Variants in NRIP1 observed in about 807,000 individuals in gnomAD.
NRIP1 encodes the protein nuclear receptor-interacting protein 1.
In NRIP1, 28 loss-of-function variants were observed where a neutral mutation model predicts 75.0. The ratio of observed to expected loss-of-function variants is 0.37; its 90% confidence interval spans 0.28 to 0.51. The LOEUF (loss-of-function observed/expected upper bound fraction) is 0.51, where lower values mean the gene tolerates loss of function less well. Among genes scored for constraint, NRIP1 ranks in the 20% least tolerant of loss-of-function variants. NRIP1 has a pLI of 0.92. For synonymous variants in NRIP1, 526 were observed against 487.6 expected, an observed-to-expected ratio of 1.08 and a Z score of -1.04; for missense variants, 1,435 against 1,343.7, an observed-to-expected ratio of 1.07 and a Z score of -1.06.
At chr21:15,064,670 G>A (rs1978700814) in intron 1 of NRIP1, 75 bp downstream of exon 1, 1 of 150,744 alleles carries the variant, frequency 6.6e-6, no homozygotes, top group African/African-American at 2.4e-5. Flanking sequence ...AGCCGACGCG[G>A]GCCGCGCTCC....
intron 2 of NRIP1, among the ~76,000 whole-genome samples, chr21:15,040,904 CTGAT>C (rs1366823259): frequency 6.6e-6 from 1 of 152,048 alleles, no homozygotes; most frequent in Non-Finnish European, 1.5e-5. Flanking sequence ...AAAAGACACA[CTGAT>C]TGACATTTCC....
intron 3 of NRIP1, among the ~76,000 whole-genome samples, chr21:14,995,539 C>T (rs1177591844): frequency 6.6e-6 from 1 of 152,038 alleles, no homozygotes; most frequent in Admixed American, 6.6e-5. Flanking sequence ...ATTTTAAAGT[C>T]GTGTTAAACT....
At chr21:14,994,316 G>A (rs901242887) in intron 3 of NRIP1, among the ~76,000 whole-genome samples, 5 of 152,144 alleles carry the variant, frequency 3.3e-5, no homozygotes, top group African/African-American at 1.2e-4. Flanking sequence ...GTAGAGACGA[G>A]GTTTCGCCAT....
chr21:15,005,540 G>C (rs2087947436), intron 3 of NRIP1, among the ~76,000 whole-genome samples: 1 of 152,190 alleles, frequency 6.6e-6, no homozygotes, highest in African/African-American at 2.4e-5. Flanking sequence ...CAAGGGTCGA[G>C]ATGCCTGCAG....
chr21:15,013,976 T>C (rs1193789958), intron 3 of NRIP1, among the ~76,000 whole-genome samples: 12 of 152,200 alleles, frequency 7.9e-5, no homozygotes, highest in Non-Finnish European at 1.5e-5. Flanking sequence ...TTTTGATAAA[T>C]CGAATTAAGT....
chr21:14,999,571 T>TAG (rs2087805569), intron 3 of NRIP1, among the ~76,000 whole-genome samples: 1 of 152,134 alleles, frequency 6.6e-6, no homozygotes. Context: ...TTTTAAAAGC[T>TAG]AGATGATTTG....
intron 3 of NRIP1, among the ~76,000 whole-genome samples, chr21:15,008,475 A>G (rs2088026694): frequency 6.6e-6 from 1 of 152,266 alleles, no homozygotes; most frequent in Middle Eastern, 3.4e-3. Flanking sequence ...ACAGGGCAAA[A>G]CTAGGAATGA....
At chr21:15,044,185 G>A (rs2089020493) in intron 1 of NRIP1, among the ~76,000 whole-genome samples, 1 of 151,872 alleles carries the variant, frequency 6.6e-6, no homozygotes, top group South Asian at 2.1e-4. Flanking sequence ...AAAAGTTAAT[G>A]TCAAAGATAA....
intron 2 of NRIP1, among the ~76,000 whole-genome samples, chr21:15,018,571 G>C (rs1302834751): frequency 6.6e-6 from 1 of 152,138 alleles, no homozygotes; most frequent in Non-Finnish European, 1.5e-5. Context: ...GCCTGCTTAA[G>C]GAACTGAGAG....
intron 3 of NRIP1, among the ~76,000 whole-genome samples, chr21:14,972,495 T>C (rs1353398110): frequency 1.3e-5 from 2 of 152,220 alleles, no homozygotes; most frequent in Non-Finnish European, 2.9e-5. Context: ...ACTCATTTTC[T>C]TTTAGTGAAA....
intron 1 of NRIP1, among the ~76,000 whole-genome samples, chr21:15,056,754 AC>A (rs1031934331): frequency 3.3e-5 from 5 of 152,196 alleles, no homozygotes; most frequent in African/African-American, 9.7e-5. Context: ...TTATGTTTAC[AC>A]GTCTTATTAT....
At chr21:15,004,739 T>C (rs1199883690) in intron 3 of NRIP1, among the ~76,000 whole-genome samples, 2 of 152,238 alleles carry the variant, frequency 1.3e-5, no homozygotes, top group Admixed American at 1.3e-4. Flanking sequence ...ATGGTCTTCC[T>C]ACATCAGTTC....
intron 3 of NRIP1, among the ~76,000 whole-genome samples, chr21:14,994,360 A>G (rs2087660746): frequency 6.6e-6 from 1 of 152,162 alleles, no homozygotes; most frequent in Admixed American, 6.5e-5. Flanking sequence ...CCTGACCTCA[A>G]GTGATCCGCC....
chr21:15,058,451 T>C (rs2089352264), intron 1 of NRIP1, among the ~76,000 whole-genome samples: 1 of 152,176 alleles, frequency 6.6e-6, no homozygotes, highest in African/African-American at 2.4e-5. Context: ...TATAAATCTA[T>C]TGCTCTATTA....
intron 2 of NRIP1, among the ~76,000 whole-genome samples, chr21:15,023,791 C>T (rs923360734): frequency 2.0e-5 from 3 of 152,082 alleles, no homozygotes; most frequent in African/African-American, 4.8e-5. Flanking sequence ...TGCCAGATAC[C>T]AAAATGTATC....
chr21:15,060,915 C>T (rs1424390421), intron 1 of NRIP1, among the ~76,000 whole-genome samples: 1 of 150,522 alleles, frequency 6.6e-6, no homozygotes, highest in Non-Finnish European at 1.5e-5. Context: ...ATTCCAATGG[C>T]CTGTTTCACC....
intron 3 of NRIP1, among the ~76,000 whole-genome samples, chr21:15,013,019 GA>G (rs754436796): frequency 1.2e-4 from 19 of 152,088 alleles, no homozygotes; most frequent in Admixed American, 2.6e-4. Flanking sequence ...TAGAAGTTCA[GA>G]AATGGGGTTC....
Position 14,964,787 on chromosome 21 carries a change from G to A in NRIP1, c.3406C>T (p.Pro1136Ser), listed in dbSNP as rs1233153334. The A allele has an allele frequency of 6.2e-7, 1 of 1,607,982 alleles. No individual in the cohort carries two copies. The highest frequency in any genetic ancestry group is 1.7e-5 in the Admixed American group (1 of 58,562). Reference protein sequence around the residue: ...NSHMGNNASRPHSANGEVYGL... With the variant: ...NSHMGNNASRSHSANGEVYGL... Reference sequence around the variant, plus strand: ...TAAACTTCTCCATTTGCGCTGTGTGGGCGAGAAGCATTATTTCCCATATGG... The same window carrying A: ...TAAACTTCTCCATTTGCGCTGTGTGAGCGAGAAGCATTATTTCCCATATGG... The change falls in exon 4 of 4, where the codon CCA becomes TCA. Residue 1136 changes from proline to serine, a missense_variant. Transcript: ENST00000318948.
intron 3 of NRIP1, among the ~76,000 whole-genome samples, chr21:14,978,366 A>C (rs2087135627): frequency 6.6e-6 from 1 of 152,200 alleles, no homozygotes; most frequent in Non-Finnish European, 1.5e-5. Context: ...TGTCTTTTCA[A>C]TAAATTCCGG....
Sources: gnomAD v4.1 joint callset for allele counts (sites outside exome capture counted in the v4.1 genomes callset) on GRCh38, gnomAD v4.1.1 for gene constraint, MANE v1.5 for transcripts, NCBI Gene and HGNC (gene_info 2026-07-23, HGNC 2026-07-21) for gene names.